Variants in IGSF21 observed in about 807,000 individuals in gnomAD.
The protein encoded by IGSF21 is immunoglobulin superfamily member 21.
IGSF21 carries 28 observed loss-of-function variants against 46.8 expected under a neutral mutation model. The observed-to-expected ratio is 0.60, with a 90% CI of 0.44 to 0.82. The LOEUF is 0.82. Among genes scored for constraint, IGSF21 ranks in the 40% least tolerant of loss-of-function variants. The pLI, the probability that IGSF21 is intolerant of heterozygous loss-of-function variation, is 0.00. For synonymous variants in IGSF21, 284 were observed against 273.6 expected (o/e 1.04, Z -0.38); for missense variants, 624 against 665.5 (o/e 0.94, Z 0.69).
intron 4 of IGSF21, among the ~76,000 whole-genome samples, chr1:18,352,958 C>A (rs1056137145): frequency 4.6e-5 from 7 of 152,114 alleles, no homozygotes; most frequent in Non-Finnish European, 8.8e-5. Context: ...GGACCCCGGG[C>A]CCCCCACCCC....
intron 3 of IGSF21, among the ~76,000 whole-genome samples, chr1:18,318,787 C>A (rs1194317279): frequency 6.6e-6 from 1 of 152,132 alleles, no homozygotes; most frequent in Non-Finnish European, 1.5e-5. Context: ...TTAATTAAAA[C>A]TATGTTTTTA....
intron 3 of IGSF21, among the ~76,000 whole-genome samples, chr1:18,306,860 G>A (rs2085431253): frequency 6.6e-6 from 1 of 152,190 alleles, no homozygotes; most frequent in Non-Finnish European, 1.5e-5. Context: ...CCCCTTCCTC[G>A]GTGCACGATT....
At position 18,334,748 on chromosome 1, in the gene IGSF21, A is replaced by G. The variant is rs746033408; in HGVS notation, c.306-144A>G. On this transcript the variant is annotated intron_variant, in intron 3 of 9. Transcript: ENST00000251296. This position sits in a 1 kb window ranked among gnomAD's most constrained non-coding sequence, Gnocchi z 4.3. ...TCTGCATACAGTCGGTGTTCCATAA[A>G]TGCTCCCCTCCTCCCAGCCCAGCAC... 3 of 683,890 alleles carry G rather than the reference A, an allele frequency of 4.4e-6. No individual in the cohort carries two copies. Among genetic ancestry groups the G allele is most frequent in the Non-Finnish European group, 5.3e-6 (2 of 376,790 alleles). The allele number at this position is 683,890 out of a possible 1,614,324, so 42.4% of individuals were successfully genotyped here.
intron 3 of IGSF21, among the ~76,000 whole-genome samples, chr1:18,331,737 G>A (rs945244668): frequency 2.0e-5 from 3 of 152,202 alleles, no homozygotes; most frequent in African/African-American, 7.2e-5. Flanking sequence ...AGAAAGCCCA[G>A]TAAACCTCTG....
At chr1:18,108,985 A>AGAGTGTGTGTGT (rs2086116963) in intron 1 of IGSF21, among the ~76,000 whole-genome samples, 1 of 127,800 alleles carries the variant, frequency 7.8e-6, no homozygotes, top group Non-Finnish European at 1.6e-5. Flanking sequence ...TGAGCAGCTC[A>AGAGTGTGTGTGT]GTGTGTGTGT....
At chr1:18,318,762 T>C (rs1448406810) in intron 3 of IGSF21, among the ~76,000 whole-genome samples, 1 of 152,188 alleles carries the variant, frequency 6.6e-6, no homozygotes, top group Non-Finnish European at 1.5e-5. Flanking sequence ...TCTATTTGAC[T>C]AACACTGAAC....
At chr1:18,352,917 C>A (rs1452093671) in intron 4 of IGSF21, among the ~76,000 whole-genome samples, 1 of 152,276 alleles carries the variant, frequency 6.6e-6, no homozygotes. Flanking sequence ...CCACTCAGAA[C>A]GGCCCCCATC....
intron 2 of IGSF21, among the ~76,000 whole-genome samples, chr1:18,245,412 C>A (rs2084774966): frequency 1.3e-5 from 2 of 152,136 alleles, no homozygotes; most frequent in Non-Finnish European, 2.9e-5. Flanking sequence ...GCTTGTGTAG[C>A]AAATTAAAAG....
At chr1:18,338,668 C>T (rs1336283313) in intron 4 of IGSF21, among the ~76,000 whole-genome samples, 2 of 152,248 alleles carry the variant, frequency 1.3e-5, no homozygotes, top group African/African-American at 2.4e-5. Context: ...GATGAAAACG[C>T]GAGTGCAGCT....
In IGSF21 at chr1:18,334,408, A is replaced by G. The variant is rs1053021502; in HGVS notation, c.306-484A>G. Among the ~76,000 whole-genome samples, 4 of 152,142 alleles carry G rather than the reference A, an allele frequency of 2.6e-5. No individual in the cohort carries two copies. The highest frequency in any genetic ancestry group is 4.4e-5 in the Non-Finnish European group (3 of 68,030). On this transcript the variant is annotated intron_variant, in intron 3 of 9. Coordinates refer to ENST00000251296, the MANE Select transcript of IGSF21 (RefSeq NM_032880.5). This position sits in a 1 kb window ranked among gnomAD's most constrained non-coding sequence, Gnocchi z 4.3. ...TCAAATTTCCATACTGGTTCTTATTAGCAATTGAGTTCCGTCCTGAGCCTC... is the reference window on the plus strand; with the variant it reads ...TCAAATTTCCATACTGGTTCTTATTGGCAATTGAGTTCCGTCCTGAGCCTC...
chr1:18,371,337 C>T (rs980135475), intron 6 of IGSF21, among the ~76,000 whole-genome samples: 7 of 152,046 alleles, frequency 4.6e-5, no homozygotes, highest in African/African-American at 7.2e-5. Context: ...TTTGGGAGGC[C>T]GAGGCAGGTG....
chr1:18,239,111 G>C (rs1440722327), intron 2 of IGSF21, among the ~76,000 whole-genome samples: 1 of 152,158 alleles, frequency 6.6e-6, no homozygotes, highest in Non-Finnish European at 1.5e-5. Context: ...ATGGAATCCG[G>C]AAGTATATTA....
At chr1:18,242,399 C>T (rs2084740590) in intron 2 of IGSF21, among the ~76,000 whole-genome samples, 1 of 152,176 alleles carries the variant, frequency 6.6e-6, no homozygotes, top group Admixed American at 6.5e-5. Flanking sequence ...TCAGGAATCC[C>T]ATTAATGAGA....
intron 1 of IGSF21, among the ~76,000 whole-genome samples, chr1:18,155,532 C>G (rs1182938460): frequency 1.3e-5 from 2 of 152,248 alleles, no homozygotes; most frequent in Non-Finnish European, 2.9e-5. Context: ...CTCCAGCCCC[C>G]TCCAGGGGCA....
Position 18,108,134 on chromosome 1 carries a change from A to C in IGSF21, c.6A>C (p.Arg2=). Reference sequence around the variant, plus strand: ...GCCGCCAGCTCCCGGGCACCATGCGAACCGCCCCGAGCCTCCGCCGCTGCG... The same window carrying C: ...GCCGCCAGCTCCCGGGCACCATGCGCACCGCCCCGAGCCTCCGCCGCTGCG... M[R]TAPSLRRCVC... Residue 2 remains arginine, a synonymous_variant, in exon 1 of 10, where the codon CGA becomes CGC. Transcript: ENST00000251296. The C allele has an allele frequency of 7.0e-7, 1 of 1,421,676 alleles. No individual in the cohort carries two copies. Among genetic ancestry groups the C allele is most frequent in the South Asian group, 1.4e-5 (1 of 73,180 alleles). 88.1% of individuals were successfully genotyped at this position (1,421,676 alleles called of 1,614,324 possible).
rs182906181 is a variant in IGSF21 at position 18,124,872 on chromosome 1, C to T, written c.70+16674C>T. On this transcript the variant is annotated intron_variant, in intron 1 of 9. Coordinates refer to ENST00000251296, the MANE Select transcript of IGSF21 (RefSeq NM_032880.5). Reference sequence around the variant, plus strand: ...GCATATGCGATAGTTATATTTAGTGCGGCGTGTGGGTCTGAGCAGATGAGT... The same window carrying T: ...GCATATGCGATAGTTATATTTAGTGTGGCGTGTGGGTCTGAGCAGATGAGT... Among the ~76,000 whole-genome samples the T allele has an allele frequency of 1.0e-3, 158 of 152,290 alleles. 1 individual carries two copies. The highest frequency in any genetic ancestry group is 3.7e-3 in the African/African-American group (152 of 41,562).
chr1:18,133,250 AG>A (rs1455465737), intron 1 of IGSF21, among the ~76,000 whole-genome samples: 7 of 152,202 alleles, frequency 4.6e-5, no homozygotes, highest in Non-Finnish European at 8.8e-5. Flanking sequence ...TGAGGCCCCC[AG>A]AGCATGTGAG....
chr1:18,118,703 A>G (rs1557544721), intron 1 of IGSF21, among the ~76,000 whole-genome samples: 1 of 152,138 alleles, frequency 6.6e-6, no homozygotes, highest in Non-Finnish European at 1.5e-5. Flanking sequence ...CAGAAGGCCA[A>G]TTCCTAGGGC....
intron 1 of IGSF21, among the ~76,000 whole-genome samples, chr1:18,188,651 T>A (rs776186111): frequency 4.6e-5 from 7 of 152,128 alleles, no homozygotes; most frequent in Non-Finnish European, 8.8e-5. Flanking sequence ...TGGTGACAGC[T>A]GGTGTATGAG....
Sources: allele counts gnomAD v4.1 joint callset (sites outside exome capture counted in the v4.1 genomes callset), GRCh38; gene constraint gnomAD v4.1.1; non-coding constraint Gnocchi (gnomAD v3.1); transcripts MANE v1.5; gene names NCBI Gene and HGNC (gene_info 2026-07-23, HGNC 2026-07-21).